Variants in SCARA5 observed in about 807,000 individuals in gnomAD.
SCARA5 encodes the protein scavenger receptor class A, member 5 (putative).
A neutral mutation model predicts 46.3 loss-of-function variants in SCARA5; 45 were observed. The ratio of observed to expected loss-of-function variants is 0.97; its 90% CI spans 0.76 to 1.24. The LOEUF is 1.24. Ranked by LOEUF, SCARA5 falls within the 50% of genes most tolerant of loss-of-function variation. The pLI, the probability that SCARA5 is intolerant of heterozygous loss-of-function variation, is 0.00. For synonymous variants in SCARA5, 333 were observed against 306.5 expected, an observed-to-expected ratio of 1.09 and a Z score of -0.90; for missense variants, 680 against 689.0, an observed-to-expected ratio of 0.99 and a Z score of 0.15.
At position 27,921,705 on chromosome 8, in the gene SCARA5, C is replaced by T; in HGVS notation, c.782G>A (p.Arg261His). ...LVSNASEDTR[R>H]LRLAHVGMEL... ...CATGCCTACGTGCGCCAGGCGCAGG[C>T]GGCGCGTGTCCTCGCTGGCGTTGCT... The change falls in exon 4 of 9, where the codon CGC (arginine) becomes CAC (histidine). Residue 261 changes from arginine (R) to histidine (H), a missense_variant. Arg to His is a conservative substitution (Grantham distance 29). Transcript: ENST00000354914. 7 of 1,602,324 alleles carry T rather than the reference C, an allele frequency of 4.4e-6. No individual in the cohort carries two copies. The highest frequency in any genetic ancestry group is 1.1e-5 in the South Asian group (1 of 88,934).
chr8:27,893,536 G>A (rs1269946719), intron 7 of SCARA5, among the ~76,000 whole-genome samples: 1 of 152,174 alleles, frequency 6.6e-6, no homozygotes, highest in Non-Finnish European at 1.5e-5. Context: ...GGAGCTGGAA[G>A]GGGTCTCGGA....
At position 27,907,315 on chromosome 8, in the gene SCARA5, C is replaced by T. The variant is rs1055231132; in HGVS notation, c.998-69G>A. On this transcript the variant is annotated intron_variant, in intron 5 of 8. Transcript: ENST00000354914. Reference sequence around the variant, plus strand: ...AGGAAGGACCCTCAGAGGTCATCGTCGGGTTCAAGGCTCAGCCTCCCCCAT... The same window carrying T: ...AGGAAGGACCCTCAGAGGTCATCGTTGGGTTCAAGGCTCAGCCTCCCCCAT... 2.4e-5 allele frequency: 28 copies of T among 1,174,168 alleles called. No individual in the cohort carries two copies. The African/African-American group carries it at 2.4e-4, about 10-fold the overall frequency. The allele number at this position is 1,174,168 out of a possible 1,614,324, so 72.7% of individuals were successfully genotyped here.
rs2129646704 is a variant in SCARA5, at chr8:27,871,838, T to C, written c.*96A>G. ...ACTGAGAATGCTGGACGGGGTGTGGTCGAGGCATGGTCAGGGTGGCCCCGA... is the reference window on the plus strand; with the variant it reads ...ACTGAGAATGCTGGACGGGGTGTGGCCGAGGCATGGTCAGGGTGGCCCCGA... On this transcript the variant is annotated 3_prime_UTR_variant, in exon 9 of 9. Coordinates refer to ENST00000354914, the MANE Select transcript of SCARA5 (RefSeq NM_173833.6). 1.9e-6 allele frequency: 3 copies of C among 1,585,474 alleles called. No homozygotes were observed. Among genetic ancestry groups the C allele is most frequent in the South Asian group, 2.3e-5 (2 of 86,234 alleles).
At chr8:27,958,219 C>A (rs931066457) in intron 3 of SCARA5, among the ~76,000 whole-genome samples, 1 of 152,210 alleles carries the variant, frequency 6.6e-6, no homozygotes, top group South Asian at 2.1e-4. Flanking sequence ...CCGGCTCAGG[C>A]GTGGTCAGAG....
At chr8:27,927,864 G>A (rs965887340) in intron 3 of SCARA5, among the ~76,000 whole-genome samples, 3 of 152,142 alleles carry the variant, frequency 2.0e-5, no homozygotes, top group Admixed American at 6.6e-5. Context: ...TCACTGCACT[G>A]AGTATTACAA....
intron 2 of SCARA5, among the ~76,000 whole-genome samples, chr8:27,979,708 C>T (rs1300179483): frequency 6.6e-6 from 1 of 152,080 alleles, no homozygotes; most frequent in Non-Finnish European, 1.5e-5. Flanking sequence ...CACACACCGC[C>T]ACGCCACGCC....
chr8:27,893,645 G>C (rs1807019608), intron 7 of SCARA5, among the ~76,000 whole-genome samples: 1 of 152,140 alleles, frequency 6.6e-6, no homozygotes, highest in African/African-American at 2.4e-5. Context: ...GGAATGGAAG[G>C]GAACCCGACA....
chr8:27,887,509 A>T (rs1806915953), intron 7 of SCARA5, among the ~76,000 whole-genome samples: 2 of 152,192 alleles, frequency 1.3e-5, no homozygotes, highest in African/African-American at 4.8e-5. Flanking sequence ...CTTGGCTGGA[A>T]AACCCAAGCT....
At chr8:27,962,106 AC>A (rs1460149207) in intron 3 of SCARA5, among the ~76,000 whole-genome samples, 2 of 152,172 alleles carry the variant, frequency 1.3e-5, no homozygotes, top group Admixed American at 1.3e-4. Context: ...AAGTAGAGAG[AC>A]CCCGAATGAA....
At chr8:27,936,410 G>A (rs935728567) in intron 3 of SCARA5, among the ~76,000 whole-genome samples, 3 of 151,346 alleles carry the variant, frequency 2.0e-5, no homozygotes, top group South Asian at 2.1e-4. Context: ...TCAATATGGC[G>A]AAAACCCATC....
At chr8:27,978,598 A>C (rs1808563149) in intron 2 of SCARA5, among the ~76,000 whole-genome samples, 1 of 151,482 alleles carries the variant, frequency 6.6e-6, no homozygotes, top group Non-Finnish European at 1.5e-5. Flanking sequence ...TGCAGCCTTG[A>C]CCGCCTGGTC....
chr8:27,959,339 G>C (rs753620031), intron 3 of SCARA5, among the ~76,000 whole-genome samples: 1 of 152,230 alleles, frequency 6.6e-6, no homozygotes, highest in Non-Finnish European at 1.5e-5. Context: ...CCCAGGAGTG[G>C]TGTCTAATTC....
chr8:27,964,205 A>G (rs1808334146), intron 3 of SCARA5, among the ~76,000 whole-genome samples: 1 of 152,064 alleles, frequency 6.6e-6, no homozygotes, highest in Non-Finnish European at 1.5e-5. Flanking sequence ...TCCCTTTCCT[A>G]TGCTGCCCTC....
At chr8:27,944,518 G>A (rs181023546) in intron 3 of SCARA5, among the ~76,000 whole-genome samples, 1 of 152,000 alleles carries the variant, frequency 6.6e-6, no homozygotes, top group Admixed American at 6.5e-5. Context: ...AGGGTATATA[G>A]CACTCTTTAT....
intron 6 of SCARA5, among the ~76,000 whole-genome samples, chr8:27,905,481 C>A (rs1807238002): frequency 7.1e-6 from 1 of 140,570 alleles, no homozygotes; most frequent in Admixed American, 8.1e-5. Flanking sequence ...AAAAATCAAG[C>A]CAGCAAATTC....
chr8:27,928,819 C>A (rs1229846660), intron 3 of SCARA5, among the ~76,000 whole-genome samples: 1 of 152,070 alleles, frequency 6.6e-6, no homozygotes, highest in Non-Finnish European at 1.5e-5. Flanking sequence ...GCACCCACCA[C>A]CACACCCGGC....
chr8:27,950,476 C>T (rs1808107379), intron 3 of SCARA5, among the ~76,000 whole-genome samples: 1 of 152,132 alleles, frequency 6.6e-6, no homozygotes, highest in Non-Finnish European at 1.5e-5. Flanking sequence ...AGCAACCCTC[C>T]CTTTGTCACC....
At chr8:27,887,495 A>G (rs1313333485) in intron 7 of SCARA5, among the ~76,000 whole-genome samples, 1 of 152,180 alleles carries the variant, frequency 6.6e-6, no homozygotes, top group Non-Finnish European at 1.5e-5. Flanking sequence ...GGCACATAGC[A>G]TCACTTGGCT....
intron 2 of SCARA5, among the ~76,000 whole-genome samples, chr8:27,971,692 T>A (rs1254202625): frequency 2.0e-5 from 3 of 152,026 alleles, no homozygotes; most frequent in Non-Finnish European, 4.4e-5. Flanking sequence ...AGCCAAGAGG[T>A]CTAGAGAGGG....
Sources: allele counts gnomAD v4.1 joint callset (sites outside exome capture counted in the v4.1 genomes callset), GRCh38; gene constraint gnomAD v4.1.1; transcripts MANE v1.5; gene names NCBI Gene and HGNC (gene_info 2026-07-23, HGNC 2026-07-21).